The following ATP2B2 variants were observed in gnomAD, a reference collection of about 807,000 sequenced individuals.
ATP2B2 encodes the protein plasma membrane calcium-transporting ATPase 2.
ATP2B2 carries 15 observed loss-of-function variants against 120.0 expected under a neutral mutation model. The ratio of observed to expected loss-of-function variants is 0.12; its 90% CI spans 0.08 to 0.19. The LOEUF (loss-of-function observed/expected upper bound fraction) is 0.19, where lower values mean the gene tolerates loss of function less well. ATP2B2 is among the 10% of genes least tolerant of loss of function. The pLI is 1.00. For missense variants in ATP2B2, 1,045 were observed against 1,719.8 expected (o/e 0.61, Z 6.94); for synonymous variants, 694 against 700.3 (o/e 0.99, Z 0.14).
chr3:10,451,350 C>A (rs1017909340), intron 1 of ATP2B2, among the ~76,000 whole-genome samples: 1 of 151,742 alleles, frequency 6.6e-6, no homozygotes, highest in African/African-American at 2.4e-5. Flanking sequence ...CAAATCCTGG[C>A]TGTGGGACCC....
chr3:10,644,550 G>A (rs1257025557), intron 1 of ATP2B2, among the ~76,000 whole-genome samples: 1 of 152,226 alleles, frequency 6.6e-6, no homozygotes, highest in East Asian at 1.9e-4. Flanking sequence ...AAAATGTGAT[G>A]TGTACATGCA....
chr3:10,531,684 A>T (rs562007876), intron 3 of ATP2B2, among the ~76,000 whole-genome samples: 1 of 151,950 alleles, frequency 6.6e-6, no homozygotes, highest in African/African-American at 2.4e-5. Context: ...GGACTTAACC[A>T]CTCTGGGCCT....
At chr3:10,690,922 T>G (rs1424714085) in intron 1 of ATP2B2, among the ~76,000 whole-genome samples, 2 of 152,258 alleles carry the variant, frequency 1.3e-5, no homozygotes, top group Non-Finnish European at 1.5e-5. Flanking sequence ...ACCACTTTAT[T>G]CGTCGATGAA....
rs2125306301 is a variant in ATP2B2 at position 10,324,804 on chromosome 3, C to CA, written c.*4009dup. The CA allele has an allele frequency of 6.6e-6, 1 of 152,252 alleles. No homozygotes were observed. Among genetic ancestry groups the CA allele is most frequent in the East Asian group, 1.9e-4 (1 of 5,190 alleles). The allele number at this position is 152,252 out of a possible 1,614,324, so 9.4% of individuals were successfully genotyped here. A position where few individuals can be genotyped will look rare whatever the true frequency, so the allele number is the denominator to read the frequency against. On this transcript the variant is annotated 3_prime_UTR_variant, in exon 23 of 23. Coordinates refer to ENST00000360273, the MANE Select transcript of ATP2B2 (RefSeq NM_001001331.4). ...CCAAAACAAAATGAAACAAAAACAA[C>CA]AAAAAACCAGTTCAGGAAAGGGAGA... is the stretch of plus-strand genomic sequence containing the variant.
chr3:10,504,688 T>C (rs1224035676), intron 1 of ATP2B2, among the ~76,000 whole-genome samples: 3 of 152,064 alleles, frequency 2.0e-5, no homozygotes, highest in Non-Finnish European at 4.4e-5. Flanking sequence ...GGCCCCCTGC[T>C]GCATTTTCCC....
chr3:10,369,372 G>C (rs1336140891), intron 12 of ATP2B2, among the ~76,000 whole-genome samples: 1 of 152,126 alleles, frequency 6.6e-6, no homozygotes, highest in Non-Finnish European at 1.5e-5. Flanking sequence ...CTGGACCCCA[G>C]ACCTTTCTTC....
intron 1 of ATP2B2, among the ~76,000 whole-genome samples, chr3:10,473,452 T>C (rs1174653527): frequency 6.6e-6 from 1 of 152,106 alleles, no homozygotes; most frequent in East Asian, 1.9e-4. Flanking sequence ...GCCAACATGG[T>C]GAAACCCTGT....
At chr3:10,450,711 C>T (rs772441837) in intron 1 of ATP2B2, among the ~76,000 whole-genome samples, 8 of 152,200 alleles carry the variant, frequency 5.3e-5, no homozygotes, top group Non-Finnish European at 7.4e-5. Context: ...CCAGGGACAG[C>T]GGCTTCCCGT....
At chr3:10,706,684 C>G (rs1047715192) in intron 1 of ATP2B2, among the ~76,000 whole-genome samples, 1 of 152,122 alleles carries the variant, frequency 6.6e-6, no homozygotes, top group Non-Finnish European at 1.5e-5. Context: ...GGATACAGAC[C>G]ATACACTAAG....
intron 1 of ATP2B2, among the ~76,000 whole-genome samples, chr3:10,458,012 T>C (rs2064335803): frequency 1.3e-5 from 2 of 152,130 alleles, no homozygotes; most frequent in Non-Finnish European, 2.9e-5. Flanking sequence ...TCAGAGGAGT[T>C]GCCAATGTTA....
In ATP2B2 at chr3:10,345,522, G is replaced by A. The variant is rs199729964; in HGVS notation, c.2565C>T (p.Asp855=). Residue 855 remains aspartate (D), a synonymous_variant, in exon 18 of 23, where the codon GAC becomes GAT. Coordinates refer to ENST00000360273, the MANE Select transcript of ATP2B2 (RefSeq NM_001001331.4). ...CCTTGACGATGCTGCTGAAATTGTC[G>A]TCTGTCAGGATGATGTCTGAGGCCT... ...AKEASDIILT[D]DNFSSIVKAV... is the part of the protein sequence containing the mutation. 232 of 1,614,196 alleles carry A rather than the reference G, an allele frequency of 1.4e-4. No homozygotes were observed. Among genetic ancestry groups the A allele is most frequent in the Non-Finnish European group, 1.8e-4 (217 of 1,180,016 alleles).
At chr3:10,545,743 C>A (rs1192546497) in intron 2 of ATP2B2, among the ~76,000 whole-genome samples, 1 of 152,024 alleles carries the variant, frequency 6.6e-6, no homozygotes, top group African/African-American at 2.4e-5. Flanking sequence ...TTTTTTAAAT[C>A]ATGGCAACAA....
chr3:10,504,712 A>AG (rs1199625318), intron 1 of ATP2B2, among the ~76,000 whole-genome samples: 8 of 152,096 alleles, frequency 5.3e-5, no homozygotes, highest in Non-Finnish European at 1.0e-4. Flanking sequence ...CTGACCCTGC[A>AG]GGGGGCAGGG....
intron 2 of ATP2B2, among the ~76,000 whole-genome samples, chr3:10,443,006 A>G (rs2063720767): frequency 6.6e-6 from 1 of 152,190 alleles, no homozygotes; most frequent in Non-Finnish European, 1.5e-5. Flanking sequence ...CATGATACCA[A>G]GTTGGCCTCT....
At chr3:10,608,662 C>T (rs988869333) in intron 2 of ATP2B2, among the ~76,000 whole-genome samples, 3 of 152,200 alleles carry the variant, frequency 2.0e-5, no homozygotes, top group African/African-American at 7.2e-5. Context: ...CTGAAGAACT[C>T]TTACTCATCT....
chr3:10,515,916 C>T (rs141051392), intron 3 of ATP2B2, among the ~76,000 whole-genome samples: 157 of 152,274 alleles, frequency 1.0e-3, no homozygotes, highest in African/African-American at 3.6e-3. Context: ...ACAAGCAGGA[C>T]GTAAGTATCT....
chr3:10,337,637 A>T (rs1001532166), intron 22 of ATP2B2, among the ~76,000 whole-genome samples: 1 of 152,050 alleles, frequency 6.6e-6, no homozygotes, highest in African/African-American at 2.4e-5. Flanking sequence ...TGGTGTGTGC[A>T]TGTGTGTCTG....
intron 1 of ATP2B2, among the ~76,000 whole-genome samples, chr3:10,664,597 G>T (rs1035915876): frequency 6.6e-6 from 1 of 152,148 alleles, no homozygotes; most frequent in Non-Finnish European, 1.5e-5. Context: ...AAGGTTTGTT[G>T]GGACTTAGGA....
At chr3:10,671,038 T>C (rs2071081711) in intron 1 of ATP2B2, among the ~76,000 whole-genome samples, 1 of 152,164 alleles carries the variant, frequency 6.6e-6, no homozygotes, top group South Asian at 2.1e-4. Flanking sequence ...GATTTCAAGA[T>C]CCTAGAACAT....
Sources: allele counts gnomAD v4.1 joint callset (sites outside exome capture counted in the v4.1 genomes callset), GRCh38; gene constraint gnomAD v4.1.1; transcripts MANE v1.5; gene names NCBI Gene and HGNC (gene_info 2026-07-23, HGNC 2026-07-21).